Variants in ARL5C observed in about 807,000 individuals in gnomAD.
ARL5C encodes ARF like GTPase 5C.
A neutral mutation model predicts 20.8 loss-of-function variants in ARL5C; 21 were observed. That is an observed-to-expected ratio of 1.01 (90% confidence interval 0.72 to 1.46). The LOEUF (loss-of-function observed/expected upper bound fraction) is 1.46. Ranked by LOEUF, ARL5C falls within the 40% of genes most tolerant of loss-of-function variation. The pLI, the probability that ARL5C is intolerant of heterozygous loss-of-function variation, is 0.00. For missense variants in ARL5C, 199 were observed against 225.1 expected, an observed-to-expected ratio of 0.88 and a Z score of 0.74; for synonymous variants, 71 against 81.6, an observed-to-expected ratio of 0.87 and a Z score of 0.70.
At position 39,165,915 on chromosome 17, in the gene ARL5C, C is replaced by G; in HGVS notation, c.-155G>C. The G allele has an allele frequency of 1.2e-6, 1 of 822,664 alleles. No individual in the cohort carries two copies. The highest frequency in any genetic ancestry group is 1.7e-5 in the African/African-American group (1 of 58,740). 51.0% of individuals were successfully genotyped at this position (822,664 alleles called of 1,614,324 possible). A position where few individuals can be genotyped will look rare whatever the true frequency, so the allele number is the denominator to read the frequency against. On this transcript the variant is annotated 5_prime_UTR_variant, in exon 1 of 6. Coordinates refer to ENST00000269586, the MANE Select transcript of ARL5C (RefSeq NM_001143968.1). ...CACGTCACCAACCTGACCTGGGAACCCTCTGGGACGCTGGCCCTTCGTGGG... is the reference window on the plus strand; with the variant it reads ...CACGTCACCAACCTGACCTGGGAACGCTCTGGGACGCTGGCCCTTCGTGGG...
intron 2 of ARL5C, among the ~76,000 whole-genome samples, chr17:39,164,738 T>C (rs973931253): frequency 1.3e-5 from 2 of 151,902 alleles, no homozygotes; most frequent in African/African-American, 4.8e-5. Context: ...GAAAGTTAAC[T>C]GGCAGAGGGG....
intron 5 of ARL5C, among the ~76,000 whole-genome samples, 151 bp from the exon 6 acceptor site, chr17:39,157,093 C>T (rs946759837): frequency 1.3e-5 from 2 of 152,226 alleles, no homozygotes; most frequent in African/African-American, 4.8e-5. Context: ...TGAGTATCTG[C>T]TGTGCATCAG....
chr17:39,163,394 C>CTTTCTTTCTTTCTTTCTT (rs778704422), intron 2 of ARL5C, among the ~76,000 whole-genome samples: 3 of 147,514 alleles, frequency 2.0e-5, no homozygotes, highest in East Asian at 2.0e-4. Context: ...TTCTTTCTTT[C>CTTTCTTTCTTTCTTTCTT]TCTCTTTCTT....
intron 2 of ARL5C, 178 bp downstream of exon 2, chr17:39,164,901 T>C (rs1245286675): frequency 3.2e-6 from 2 of 620,704 alleles, no homozygotes; most frequent in East Asian, 2.9e-5. Context: ...CGGTGCAGGA[T>C]TTGAATGCCA....
chr17:39,162,789 C>T lies in ARL5C; in HGVS notation c.177G>A (p.Lys59=). The T allele has an allele frequency of 6.4e-7, 1 of 1,551,656 alleles. No homozygotes were observed. The highest frequency in any genetic ancestry group is 8.7e-7 in the Non-Finnish European group (1 of 1,146,998). ...CTATGTCCCACATGAAGAAGTGGGT[C>T]TTCGGCAGAATGATCTCCTCCACGT... ...GSNVEEIILP[K]THFFMWDIVR... The change falls in exon 3 of 6, where the codon AAG becomes AAA. Residue 59 remains lysine (K), a synonymous_variant. Coordinates refer to ENST00000269586, the MANE Select transcript of ARL5C (RefSeq NM_001143968.1).
At chr17:39,163,192 TC>T (rs1466366203) in intron 2 of ARL5C, among the ~76,000 whole-genome samples, 1 of 152,108 alleles carries the variant, frequency 6.6e-6, no homozygotes, top group Non-Finnish European at 1.5e-5. Flanking sequence ...TGTCAAGAGA[TC>T]CTCCTGCCTT....
rs138477528 is a variant in ARL5C, at chr17:39,160,127, G to A, written c.491+464C>T. On this transcript the variant is annotated intron_variant, in intron 5 of 5. Transcript: ENST00000269586. ...GCCGGTGGACCACCTGTGGTCAGGA[G>A]TTCAAGACCAGCCTGGCCAACCCCA... 1,355 of 157,362 alleles carry A rather than the reference G, an allele frequency of 8.6e-3. 8 individuals are homozygous for A. The highest frequency in any genetic ancestry group is 0.014 in the Non-Finnish European group (988 of 71,550). 9.7% of individuals were successfully genotyped at this position (157,362 alleles called of 1,614,324 possible).
At chr17:39,158,911 C>T (rs2045419914) in intron 5 of ARL5C, among the ~76,000 whole-genome samples, 1 of 151,620 alleles carries the variant, frequency 6.6e-6, no homozygotes, top group South Asian at 2.1e-4. Context: ...CTCCTGGCCC[C>T]AAGCCATCCT....
At chr17:39,162,563 A>T (rs1483186882) in intron 3 of ARL5C, 148 bp downstream of exon 3, 2 of 1,028,384 alleles carry the variant, frequency 1.9e-6, no homozygotes, top group Admixed American at 6.0e-5. Context: ...GGACTCCCAA[A>T]GTGCTGGGAT....
Position 39,162,876 on chromosome 17 carries a change from G to T in ARL5C, c.108-18C>A. The T allele has an allele frequency of 6.5e-7, 1 of 1,548,720 alleles. No homozygotes were observed. Among genetic ancestry groups the T allele is most frequent in the South Asian group, 1.2e-5 (1 of 83,800 alleles). ...TGGTCAAGCTGGGGAGGTAGGAGTG[G>T]GCACCAAGAGCTCAGTCCAGCCTAC... is the stretch of plus-strand genomic sequence containing the variant. On this transcript the variant is annotated intron_variant, in intron 2 of 5. Transcript: ENST00000269586.
chr17:39,166,029 C>T lies in ARL5C; in HGVS notation c.-269G>A. The T allele has an allele frequency of 2.0e-6, 1 of 498,144 alleles. No individual in the cohort carries two copies. Among genetic ancestry groups the T allele is most frequent in the Non-Finnish European group, 3.6e-6 (1 of 275,122 alleles). 30.9% of individuals were successfully genotyped at this position (498,144 alleles called of 1,614,324 possible). A position where few individuals can be genotyped will look rare whatever the true frequency, so the allele number is the denominator to read the frequency against. On this transcript the variant is annotated 5_prime_UTR_variant, in exon 1 of 6. Coordinates refer to ENST00000269586, the MANE Select transcript of ARL5C (RefSeq NM_001143968.1). The stretch of plus-strand genomic sequence containing the variant: ...GGGGTTCCAGGCTCCAGCCCTCCCC[C>T]TCGCCCTGCGAAAACTCCTGAGTTC...
intron 2 of ARL5C, among the ~76,000 whole-genome samples, chr17:39,163,701 CTTT>C (rs59010635): frequency 0.073 from 9,598 of 131,028 alleles, 492 homozygotes; most frequent in Middle Eastern, 0.18. Flanking sequence ...CACAGTTTTG[CTTT>C]TTTTTTTTTT....
In ARL5C at chr17:39,165,061, C is replaced by G. The variant is rs377461848; in HGVS notation, c.107+18G>C. 3 of 1,551,508 alleles carry G rather than the reference C, an allele frequency of 1.9e-6. No individual in the cohort carries two copies. In the Admixed American group the frequency reaches 5.9e-5, roughly 30 times the overall value. ...GGGAGGCCCAGCTCTCTACCCTCCC[C>G]GCCCGAGAGTCACTTACAACCGGTA... On this transcript the variant is annotated intron_variant, in intron 2 of 5. Coordinates refer to ENST00000269586, the MANE Select transcript of ARL5C (RefSeq NM_001143968.1).
intron 3 of ARL5C, among the ~76,000 whole-genome samples, chr17:39,162,041 T>A (rs1380739800): frequency 6.6e-6 from 1 of 152,062 alleles, no homozygotes; most frequent in East Asian, 1.9e-4. Context: ...GTGCTGGAAA[T>A]GGAACCCAGC....
At chr17:39,165,489 G>A (rs1356183667) in intron 1 of ARL5C, 4 of 607,214 alleles carry the variant, frequency 6.6e-6, no homozygotes, top group Middle Eastern at 4.4e-4. Flanking sequence ...CGTTTAGCGG[G>A]GAGAAAGGAG....
Position 39,161,440 on chromosome 17 carries a change from C to T in ARL5C, c.256-89G>A, listed in dbSNP as rs975788252. The stretch of plus-strand genomic sequence containing the variant: ...CTTTCTTTCCCCACTGGTCTCTGCA[C>T]TGCCCAGATGTCAGCCCCAGAGAAA... On this transcript the variant is annotated intron_variant, in intron 3 of 5. Transcript: ENST00000269586. 4 of 1,140,446 alleles carry T rather than the reference C, an allele frequency of 3.5e-6. No homozygotes were observed. In the South Asian group the frequency reaches 4.0e-5, roughly 11 times the overall value. 70.6% of individuals were successfully genotyped at this position (1,140,446 alleles called of 1,614,324 possible).
chr17:39,163,365 T>C lies in ARL5C; in HGVS notation c.108-507A>G, dbSNP rs1354634229. 1.6e-5 allele frequency among the ~76,000 whole-genome samples: 2 copies of C among 128,908 alleles called. 1 individual carries two copies. Among genetic ancestry groups the C allele is most frequent in the South Asian group, 4.4e-4 (2 of 4,584 alleles). The allele number at this position is 128,908 out of a possible 152,430, so 84.6% of individuals were successfully genotyped here. A position where few individuals can be genotyped will look rare whatever the true frequency, so the allele number is the denominator to read the frequency against. ...TTTTGCCTTTCTTTCTTTCTTTCTT[T>C]CTTTCTTTCTTTCTTTCTTTCTTTC... On this transcript the variant is annotated intron_variant, in intron 2 of 5. Transcript: ENST00000269586.
At chr17:39,160,343 A>C in intron 5 of ARL5C, 4 of 392,464 alleles carry the variant, frequency 1.0e-5, no homozygotes, top group East Asian at 9.8e-5. Context: ...AAAAAAAGAG[A>C]GAGAGATTAT....
intron 4 of ARL5C, 50 bp from the exon 5 acceptor site, chr17:39,160,792 C>T: frequency 6.5e-7 from 1 of 1,540,516 alleles, no homozygotes; most frequent in South Asian, 1.2e-5. Context: ...GCCCAGCCTT[C>T]CTTCCTACTG....
Sources: gnomAD v4.1 joint callset for allele counts (sites outside exome capture counted in the v4.1 genomes callset) on GRCh38, gnomAD v4.1.1 for gene constraint, MANE v1.5 for transcripts, NCBI Gene and HGNC (gene_info 2026-07-23, HGNC 2026-07-21) for gene names.